The following LIMD1 variants were observed in gnomAD, a reference collection of about 807,000 sequenced individuals.
LIMD1 encodes LIM domain-containing protein 1.
A neutral mutation model predicts 58.4 loss-of-function variants in LIMD1; 23 were observed. The ratio of observed to expected loss-of-function variants is 0.39; its 90% confidence interval spans 0.28 to 0.56. The LOEUF (loss-of-function observed/expected upper bound fraction) is 0.56, where lower values mean the gene tolerates loss of function less well. Among genes scored for constraint, LIMD1 ranks in the 20% least tolerant of loss-of-function variants. The pLI is 0.57. For synonymous variants in LIMD1, 334 were observed against 345.5 expected (o/e 0.97, Z 0.37); for missense variants, 838 against 855.5 (o/e 0.98, Z 0.25).
At chr3:45,647,570 T>C (rs1294180868) in intron 2 of LIMD1, among the ~76,000 whole-genome samples, 1 of 152,222 alleles carries the variant, frequency 6.6e-6, no homozygotes, top group African/African-American at 2.4e-5. Flanking sequence ...TCACCATTGG[T>C]GGCATTTGGA....
chr3:45,649,734 ATATAT>A (rs912923829), intron 2 of LIMD1, among the ~76,000 whole-genome samples: 1 of 145,292 alleles, frequency 6.9e-6, no homozygotes, highest in African/African-American at 2.5e-5. Flanking sequence ...AATTATATAG[ATATAT>A]TTATATATAA....
intron 2 of LIMD1, among the ~76,000 whole-genome samples, chr3:45,643,947 GA>G (rs11319795): frequency 1 from 152,247 of 152,248 alleles, 76,123 homozygotes; most frequent in Non-Finnish European, 1. Context: ...TTAGTGGGGA[GA>G]AAAAAGCAAA....
At chr3:45,670,046 C>A (rs1317918984) in intron 4 of LIMD1, among the ~76,000 whole-genome samples, 1 of 152,192 alleles carries the variant, frequency 6.6e-6, no homozygotes, top group Non-Finnish European at 1.5e-5. Flanking sequence ...GCCATGTCCT[C>A]ATTAGTAGCC....
rs1168104761 is a variant in LIMD1 at position 45,595,058 on chromosome 3, A to T, written c.179A>T (p.Gln60Leu). The T allele has an allele frequency of 6.2e-7, 1 of 1,613,738 alleles. No homozygotes were observed. Among genetic ancestry groups the T allele is most frequent in the Admixed American group, 1.7e-5 (1 of 60,024 alleles). Residue 60 changes from glutamine to leucine, a missense_variant, in exon 1 of 8, where the codon CAG (glutamine) becomes CTG (leucine). This residue lies in a region of LIMD1 where 659 missense variants were observed against 639.8 expected (regional missense o/e 1.03). Coordinates refer to ENST00000273317, the MANE Select transcript of LIMD1 (RefSeq NM_014240.3). ...TKMAKIHLQQ[Q>L]QQQLLQEETL... is the part of the protein sequence containing the mutation. ...ATGGCCAAAATCCACCTCCAGCAGC[A>T]GCAGCAGCAGCTCCTGCAGGAGGAG...
Position 45,683,151 on chromosome 3 carries a change from T to C in LIMD1, c.*6092T>C, listed in dbSNP as rs971132808. The C allele has an allele frequency of 6.6e-6, 1 of 152,226 alleles. No homozygotes were observed. Among genetic ancestry groups the C allele is most frequent in the Non-Finnish European group, 1.5e-5 (1 of 68,056 alleles). 9.4% of individuals were successfully genotyped at this position (152,226 alleles called of 1,614,324 possible). A position where few individuals can be genotyped will look rare whatever the true frequency, so the allele number is the denominator to read the frequency against. ...CAGATAATCTAGAATAATCTCCCAT[T>C]TTGTGATTCTTAATAACATCTGCAA... On this transcript the variant is annotated 3_prime_UTR_variant, in exon 8 of 8. Coordinates refer to ENST00000273317, the MANE Select transcript of LIMD1 (RefSeq NM_014240.3).
intron 2 of LIMD1, among the ~76,000 whole-genome samples, chr3:45,663,868 A>ATTTTTTTTTTTTTTTTT (rs553757543): frequency 0.023 from 2,376 of 102,680 alleles, 195 homozygotes; most frequent in East Asian, 0.028. Context: ...TGCCTGGCTA[A>ATTTTTTTTTTTTTTTTT]TTTTTTTTTT....
chr3:45,667,496 GT>G (rs1023504002), intron 3 of LIMD1, among the ~76,000 whole-genome samples: 11 of 151,318 alleles, frequency 7.3e-5, no homozygotes, highest in African/African-American at 2.7e-4. Context: ...CTTTCATAAG[GT>G]TTCCCCCAGT....
chr3:45,643,484 CAA>C (rs571819225), intron 2 of LIMD1, among the ~76,000 whole-genome samples: 11 of 121,390 alleles, frequency 9.1e-5, no homozygotes, highest in Non-Finnish European at 8.7e-5. Context: ...GACTCTGTCT[CAA>C]AAAAAAAAAA....
chr3:45,605,808 G>A (rs1174270156), intron 1 of LIMD1, among the ~76,000 whole-genome samples: 1 of 152,234 alleles, frequency 6.6e-6, no homozygotes, highest in African/African-American at 2.4e-5. Context: ...CACTGTCCTT[G>A]TTTGTACCGG....
At chr3:45,620,430 A>G (rs996401221) in intron 1 of LIMD1, among the ~76,000 whole-genome samples, 1 of 152,210 alleles carries the variant, frequency 6.6e-6, no homozygotes, top group African/African-American at 2.4e-5. Flanking sequence ...AAAATGTAGA[A>G]AGAATGATGA....
chr3:45,671,397 C>G (rs1247507183), intron 4 of LIMD1, among the ~76,000 whole-genome samples: 1 of 152,230 alleles, frequency 6.6e-6, no homozygotes, highest in Non-Finnish European at 1.5e-5. Context: ...AATCCCCTTT[C>G]TTCAGCCTGT....
intron 2 of LIMD1, among the ~76,000 whole-genome samples, chr3:45,650,060 G>T (rs1302836190): frequency 6.6e-6 from 1 of 151,556 alleles, no homozygotes; most frequent in Non-Finnish European, 1.5e-5. Context: ...TGTGTTTGTA[G>T]TCAGTCTTCA....
At chr3:45,607,785 AT>A (rs1457192128) in intron 1 of LIMD1, among the ~76,000 whole-genome samples, 3 of 152,110 alleles carry the variant, frequency 2.0e-5, no homozygotes, top group Non-Finnish European at 2.9e-5. Flanking sequence ...GCAGGAGCAG[AT>A]TTGCTTTTTG....
intron 1 of LIMD1, among the ~76,000 whole-genome samples, chr3:45,635,732 CAAAAAAAAAAA>C (rs71095045): frequency 4.6e-4 from 34 of 73,784 alleles, no homozygotes; most frequent in East Asian, 1.4e-3. Flanking sequence ...ATCCCCGTCT[CAAAAAAAAAAA>C]AAAAAAAAAA....
chr3:45,604,676 A>G (rs376201051), intron 1 of LIMD1, among the ~76,000 whole-genome samples: 9 of 152,120 alleles, frequency 5.9e-5, no homozygotes, highest in East Asian at 5.8e-4. Context: ...GTGGCTCCCA[A>G]CGGATGTTCT....
In LIMD1 at chr3:45,672,570, G is replaced by A. The variant is rs1362688789; in HGVS notation, c.1642-120G>A. 7 of 1,132,288 alleles carry A rather than the reference G, an allele frequency of 6.2e-6. 1 individual carries two copies. The highest frequency in any genetic ancestry group is 5.8e-5 in the South Asian group (4 of 69,444). 70.1% of individuals were successfully genotyped at this position (1,132,288 alleles called of 1,614,324 possible). On this transcript the variant is annotated intron_variant, in intron 4 of 7. Transcript: ENST00000273317. ...CTTGCTCTTCTCCTAGGTGAAACTC[G>A]GGGGTAAGTGTACTCTGTGTGTGAC...
At chr3:45,654,812 CAAAAAA>C (rs1227980901) in intron 2 of LIMD1, among the ~76,000 whole-genome samples, 2 of 56,520 alleles carry the variant, frequency 3.5e-5, no homozygotes, top group East Asian at 3.9e-4. Flanking sequence ...GACCCTGTCT[CAAAAAA>C]AAAAAAAAAA....
intron 3 of LIMD1, among the ~76,000 whole-genome samples, chr3:45,666,169 C>T (rs769695551): frequency 2.6e-5 from 4 of 152,190 alleles, no homozygotes; most frequent in Non-Finnish European, 2.9e-5. Context: ...GTGTCCCAAC[C>T]CCTCACGTAC....
intron 2 of LIMD1, among the ~76,000 whole-genome samples, chr3:45,655,533 G>T (rs1176913220): frequency 6.6e-6 from 1 of 152,190 alleles, no homozygotes; most frequent in African/African-American, 2.4e-5. Flanking sequence ...ACAAGCCTGA[G>T]GCATAGTCTG....
Sources: gnomAD v4.1 joint callset for allele counts (sites outside exome capture counted in the v4.1 genomes callset) on GRCh38, gnomAD v4.1.1 for gene constraint, gnomAD v4.1.1 regional missense constraint, MANE v1.5 for transcripts, NCBI Gene and HGNC (gene_info 2026-07-23, HGNC 2026-07-21) for gene names.